PLEC: variants seen among roughly 807,000 people sequenced by gnomAD.
PLEC encodes plectin, also known as hemidesmosomal protein 1.
A neutral mutation model predicts 392.8 loss-of-function variants in PLEC; 216 were observed. The observed-to-expected ratio is 0.55, with a 90% CI of 0.49 to 0.62. PLEC has a LOEUF of 0.62. PLEC is among the 20% of genes least tolerant of loss of function. The pLI is 0.00. For missense variants in PLEC, 6,863 were observed against 6,563.4 expected, an observed-to-expected ratio of 1.05 and a Z score of -1.58; for synonymous variants, 3,621 against 2,980.6, an observed-to-expected ratio of 1.21 and a Z score of -7.00.
upstream of PLEC, among the ~76,000 whole-genome samples, chr8:143,940,300 A>G (rs1486934872): frequency 1.3e-5 from 2 of 152,132 alleles, no homozygotes; most frequent in Admixed American, 1.3e-4. Flanking sequence ...CTGAGGGCTG[A>G]CTCACGGAGG....
At chr8:143,976,707 T>G (rs1382010284), upstream of PLEC, 3 of 150,318 alleles carry the variant, frequency 2.0e-5, no homozygotes, top group African/African-American at 4.9e-5. Context: ...ACATGCCTGG[T>G]GGCTCCGCTC....
At chr8:143,961,560 C>T (rs1832874610) in intron 1 of PLEC, among the ~76,000 whole-genome samples, 8 of 152,146 alleles carry the variant, frequency 5.3e-5, no homozygotes. Flanking sequence ...TAGAGATGCA[C>T]AATGACCCAG....
rs576594404 is a variant in PLEC, at chr8:143,973,215, G to C, written c.70+188C>G. On this transcript the variant is annotated intron_variant, in intron 1 of 31. Transcript: ENST00000356346. The surrounding 1 kb of genome is among the most constrained non-coding windows in gnomAD (Gnocchi z 5.6). ...GATGCCCTATTAAGGGCATGGCCTC[G>C]GGGGCTCAGCGGAGCGAGTCCTCCC... Among the ~76,000 whole-genome samples the C allele has an allele frequency of 6.8e-6, 1 of 146,080 alleles. No homozygotes were observed. The highest frequency in any genetic ancestry group is 1.5e-5 in the Non-Finnish European group (1 of 66,474).
intron 8 of PLEC, 37 bp downstream of exon 8, chr8:143,934,974 A>G (rs781920638): frequency 1.2e-6 from 2 of 1,611,038 alleles, no homozygotes; most frequent in South Asian, 2.2e-5. Context: ...CGGGGCGTCC[A>G]GGCCCAAGCC....
At chr8:143,960,408 G>A (rs1331745297) in intron 1 of PLEC, among the ~76,000 whole-genome samples, 1 of 152,098 alleles carries the variant, frequency 6.6e-6, no homozygotes, top group East Asian at 1.9e-4. Context: ...CCTGAGGTCA[G>A]AAGTTCGAGA....
upstream of PLEC, chr8:143,939,656 G>A: frequency 1.4e-6 from 2 of 1,418,306 alleles, no homozygotes; most frequent in Middle Eastern, 2.6e-4. Flanking sequence ...CCGCCCCCGA[G>A]GCCCCACCCT....
upstream of PLEC, among the ~76,000 whole-genome samples, chr8:143,954,753 C>G (rs56395229): frequency 0.044 from 6,671 of 152,264 alleles, 511 homozygotes; most frequent in African/African-American, 0.15. This position sits in a 1 kb window ranked among gnomAD's most constrained non-coding sequence, Gnocchi z 4.6. Flanking sequence ...TGGGCCCTGC[C>G]CACACCAGGG....
rs372266348 is a variant in PLEC, at chr8:143,937,265, C to A, written c.265-23G>T. 3.8e-6 allele frequency: 6 copies of A among 1,590,288 alleles called. 1 individual carries two copies. The South Asian group carries it at 6.6e-5, about 18-fold the overall frequency. On this transcript the variant is annotated intron_variant, in intron 3 of 31. Transcript: ENST00000345136. Reference sequence around the variant, plus strand: ...GGGCTGTGGGGAGGCACAGTCAGCACCCACAGTGCAGCTGCAGCTCCCGGG... The same window carrying A: ...GGGCTGTGGGGAGGCACAGTCAGCAACCACAGTGCAGCTGCAGCTCCCGGG...
Position 143,930,490 on chromosome 8 carries a change from A to G in PLEC, c.2351T>C (p.Leu784Pro). Residue 784 changes from leucine to proline, a missense_variant, in exon 20 of 32, where the codon CTG becomes CCG. Physicochemically the swap from Leu to Pro is moderately conservative, Grantham distance 98. Transcript: ENST00000345136. ...CACGACGGCCTTGGCCCGCTTGGCC[A>G]GGCCTGAGAGGTGGCCCTTGTACTC... ...LNEYKGHLSG[L>P]AKRAKAVVQL... The G allele has an allele frequency of 6.3e-7, 1 of 1,596,000 alleles. No individual in the cohort carries two copies. The highest frequency in any genetic ancestry group is 8.5e-7 in the Non-Finnish European group (1 of 1,171,802).
At position 143,924,224 on chromosome 8, in the gene PLEC, G is replaced by C; in HGVS notation, c.5705C>G (p.Ser1902Trp). ...EERLAQLRKASDSELERQKGL... is the reference protein window; with the variant it reads ...EERLAQLRKAWDSELERQKGL... ...CTTCTGCCGCTCCAGCTCGCTGTCCGATGCCTTGCGCAGCTGGGCCAGGCG... is the reference window on the plus strand; with the variant it reads ...CTTCTGCCGCTCCAGCTCGCTGTCCCATGCCTTGCGCAGCTGGGCCAGGCG... Residue 1902 changes from serine (S) to tryptophan (W), a missense_variant, in exon 31 of 32, where the codon TCG becomes TGG. By Grantham distance (177) the Ser-to-Trp change is radical. Coordinates refer to ENST00000345136, the MANE Select transcript of PLEC (RefSeq NM_201384.3). The C allele has an allele frequency of 6.3e-7, 1 of 1,598,496 alleles. No individual in the cohort carries two copies. Among genetic ancestry groups the C allele is most frequent in the South Asian group, 1.1e-5 (1 of 91,038 alleles).
At chr8:143,974,471 G>C (rs1419048322), upstream of PLEC, among the ~76,000 whole-genome samples, 1 of 152,262 alleles carries the variant, frequency 6.6e-6, no homozygotes, top group African/African-American at 2.4e-5. This position sits in a 1 kb window ranked among gnomAD's most constrained non-coding sequence, Gnocchi z 5.9. Context: ...GTGCACAGCA[G>C]TGACCCTCTC....
At chr8:143,960,007 ACG>A (rs1172445581) in intron 1 of PLEC, among the ~76,000 whole-genome samples, 1 of 137,068 alleles carries the variant, frequency 7.3e-6, no homozygotes. Flanking sequence ...CTGGCCAGGC[ACG>A]CGGTGGCTCA....
rs781995072 is a variant in PLEC, at chr8:143,929,446, G to A, written c.3049C>T (p.Arg1017Trp). The change falls in exon 24 of 32, where the codon CGG (arginine) becomes TGG (tryptophan). Residue 1017 changes from arginine (R) to tryptophan (W), a missense_variant. By Grantham distance (101) the Arg-to-Trp change is moderately radical (BLOSUM62 -3). Coordinates refer to ENST00000345136, the MANE Select transcript of PLEC (RefSeq NM_201384.3). ...LRLPLDKEPARECAQRIAEQQ... is the reference protein window; with the variant it reads ...LRLPLDKEPAWECAQRIAEQQ... ...TCGGCGATGCGCTGGGCACACTCCC[G>A]TGCCGGCTCTTTGTCCAGCGGCAGC... is the stretch of plus-strand genomic sequence containing the variant. The A allele has an allele frequency of 1.8e-5, 28 of 1,584,890 alleles. No individual in the cohort carries two copies. Among genetic ancestry groups the A allele is most frequent in the East Asian group, 1.1e-4 (5 of 43,514 alleles).
At position 143,934,876 on chromosome 8, in the gene PLEC, C is replaced by G; in HGVS notation, c.879G>C (p.Gln293His). ...EYRELVLLLLQWMRHHTAAFE... is the reference protein window; with the variant it reads ...EYRELVLLLLHWMRHHTAAFE... The stretch of plus-strand genomic sequence containing the variant: ...AGGCGGCCGTGTGGTGTCGCATCCA[C>G]TGAAGCAGCAGCAGCACCAGCTCCC... The change falls in exon 9 of 32, where the codon CAG becomes CAC. Residue 293 changes from glutamine to histidine, a missense_variant. Coordinates refer to ENST00000345136, the MANE Select transcript of PLEC (RefSeq NM_201384.3). The G allele has an allele frequency of 6.2e-7, 1 of 1,611,556 alleles. No homozygotes were observed. Among genetic ancestry groups the G allele is most frequent in the Non-Finnish European group, 8.5e-7 (1 of 1,179,820 alleles).
At position 143,919,981 on chromosome 8, in the gene PLEC, G is replaced by T; in HGVS notation, c.9840C>A (p.Thr3280=). ...LLRQFRTGKV[T]VEKVIKILIT... ...TGAGAATCTTGATGACCTTCTCCAC[G>T]GTGACCTTGCCCGTGCGGAACTGAC... The change falls in exon 32 of 32, where the codon ACC becomes ACA. Residue 3280 remains threonine (T), a synonymous_variant. Coordinates refer to ENST00000345136, the MANE Select transcript of PLEC (RefSeq NM_201384.3). 6.2e-7 allele frequency: 1 copy of T among 1,613,342 alleles called. No individual in the cohort carries two copies. The highest frequency in any genetic ancestry group is 2.2e-5 in the East Asian group (1 of 44,886).
At chr8:143,939,636 C>T (rs782104948), upstream of PLEC, 279 of 1,423,558 alleles carry the variant, frequency 2.0e-4, no homozygotes, top group Non-Finnish European at 2.3e-4. Context: ...TACTCCCCGG[C>T]GAGGCCGGCC....
chr8:143,968,462 C>T (rs1452445401), intron 1 of PLEC, among the ~76,000 whole-genome samples: 2 of 134,220 alleles, frequency 1.5e-5, no homozygotes, highest in Admixed American at 1.6e-4. Flanking sequence ...CCCAGCTACT[C>T]GGGAGCCTGA....
chr8:143,926,616 G>A (rs1278279483), intron 30 of PLEC, among the ~76,000 whole-genome samples, 168 bp downstream of exon 30: 2 of 152,162 alleles, frequency 1.3e-5, no homozygotes, highest in African/African-American at 4.8e-5. Flanking sequence ...GCCACAGGTG[G>A]GGCAGCCTGG....
chr8:143,976,130 G>C (rs544336462), upstream of PLEC, among the ~76,000 whole-genome samples: 1 of 152,346 alleles, frequency 6.6e-6, no homozygotes, highest in South Asian at 2.1e-4. Context: ...GGCCGCGGGA[G>C]CTCTGCTGCA....
Sources: allele counts gnomAD v4.1 joint callset (sites outside exome capture counted in the v4.1 genomes callset), GRCh38; gene constraint gnomAD v4.1.1; non-coding constraint Gnocchi (gnomAD v3.1); transcripts MANE v1.5; gene names NCBI Gene and HGNC (gene_info 2026-07-23, HGNC 2026-07-21).